ENPP2: variants seen among roughly 807,000 people sequenced by gnomAD.
ENPP2 encodes the protein autotaxin.
In ENPP2, 51 loss-of-function variants were observed where a neutral mutation model predicts 120.2. The ratio of observed to expected loss-of-function variants is 0.42; its 90% confidence interval spans 0.34 to 0.54. The LOEUF (loss-of-function observed/expected upper bound fraction) is 0.54, where lower values mean the gene tolerates loss of function less well. Among genes scored for constraint, ENPP2 ranks in the 20% least tolerant of loss-of-function variants. The pLI, the probability that ENPP2 is intolerant of heterozygous loss-of-function variation, is 0.04. For synonymous variants in ENPP2, 365 were observed against 366.4 expected, an observed-to-expected ratio of 1.00 and a Z score of 0.04; for missense variants, 920 against 1,066.5, an observed-to-expected ratio of 0.86 and a Z score of 1.91.
chr8:119,565,374 C>T (rs1814332136), intron 22 of ENPP2, among the ~76,000 whole-genome samples: 1 of 152,196 alleles, frequency 6.6e-6, no homozygotes. Flanking sequence ...CATCAATATG[C>T]TAGTTCCCAG....
upstream of ENPP2, among the ~76,000 whole-genome samples, chr8:119,639,096 T>C (rs1316478494): frequency 6.6e-6 from 1 of 152,144 alleles, no homozygotes; most frequent in Non-Finnish European, 1.5e-5. Flanking sequence ...TAACAGTGCA[T>C]GTTCATTTTC....
chr8:119,582,216 T>TA (rs1812797099), intron 18 of ENPP2, among the ~76,000 whole-genome samples: 1 of 152,246 alleles, frequency 6.6e-6, no homozygotes, highest in Non-Finnish European at 1.5e-5. Flanking sequence ...TGCTATTCAA[T>TA]ATGGTAGCCA....
In ENPP2 at chr8:119,557,423, C is replaced by G. The variant is rs1813551115; in HGVS notation, c.*98G>C. On this transcript the variant is annotated 3_prime_UTR_variant, in exon 25 of 25. Transcript: ENST00000075322. ...TCAGATTTGGTACAGGATTAAAATA[C>G]TAACATTTTTAATGTCCTGGTTTCA... 1 of 999,434 alleles carries G rather than the reference C, an allele frequency of 1.0e-6. No homozygotes were observed. 61.9% of individuals were successfully genotyped at this position (999,434 alleles called of 1,614,324 possible). A position where few individuals can be genotyped will look rare whatever the true frequency, so the allele number is the denominator to read the frequency against.
chr8:119,634,805 C>T (rs1018525827), intron 2 of ENPP2, among the ~76,000 whole-genome samples: 39 of 152,232 alleles, frequency 2.6e-4, no homozygotes, highest in African/African-American at 9.4e-4. Context: ...GGCTGAAGTT[C>T]ATGGAAGACT....
At chr8:119,671,474 T>C (rs1032044164) in intron 1 of ENPP2, among the ~76,000 whole-genome samples, 1 of 152,154 alleles carries the variant, frequency 6.6e-6, no homozygotes, top group Admixed American at 6.5e-5. Flanking sequence ...GGTATGTGTA[T>C]GAATTATACT....
chr8:119,668,931 C>T (rs998473114), intron 1 of ENPP2, among the ~76,000 whole-genome samples: 1 of 152,174 alleles, frequency 6.6e-6, no homozygotes, highest in Non-Finnish European at 1.5e-5. Context: ...CATACACATA[C>T]ACACATACCT....
intron 8 of ENPP2, among the ~76,000 whole-genome samples, chr8:119,612,678 T>C (rs1007858609): frequency 2.6e-5 from 4 of 152,130 alleles, no homozygotes; most frequent in African/African-American, 9.7e-5. Flanking sequence ...TTGCTTGAGC[T>C]CAGAAGTTGG....
intron 1 of ENPP2, among the ~76,000 whole-genome samples, chr8:119,668,115 C>G (rs1359818706): frequency 2.0e-5 from 3 of 152,144 alleles, no homozygotes; most frequent in African/African-American, 7.2e-5. Flanking sequence ...TCACGAGGAC[C>G]TAAGCTTCCC....
At chr8:119,639,754 T>A (rs1187471953), upstream of ENPP2, among the ~76,000 whole-genome samples, 2 of 152,164 alleles carry the variant, frequency 1.3e-5, no homozygotes, top group East Asian at 3.8e-4. Flanking sequence ...TATTTCTTGG[T>A]TAAATGTAGC....
At chr8:119,659,042 C>T (rs1248546743) in intron 1 of ENPP2, among the ~76,000 whole-genome samples, 2 of 152,064 alleles carry the variant, frequency 1.3e-5, no homozygotes, top group African/African-American at 2.4e-5. Flanking sequence ...TGGCTGGGCA[C>T]AGTGGCTCAC....
intron 1 of ENPP2, among the ~76,000 whole-genome samples, chr8:119,657,083 C>A (rs1169363880): frequency 6.6e-6 from 1 of 152,024 alleles, no homozygotes; most frequent in Non-Finnish European, 1.5e-5. Context: ...ACCCACCATG[C>A]CCGGCTAATT....
At position 119,590,598 on chromosome 8, in the gene ENPP2, A is replaced by G. The variant is rs1813425824; in HGVS notation, c.1114T>C (p.Phe372Leu). 6.3e-7 allele frequency: 1 copy of G among 1,588,526 alleles called. No homozygotes were observed. The highest frequency in any genetic ancestry group is 1.1e-5 in the South Asian group (1 of 87,014). Reference sequence around the variant, plus strand: ...ACATTAGTTAGGTAATTACTCAAGAACTCAGTTCTATCACATGTGACATCT... The same window carrying G: ...ACATTAGTTAGGTAATTACTCAAGAGCTCAGTTCTATCACATGTGACATCT... ...MEDVTCDRTE[F>L]LSNYLTNVDD... is the part of the protein sequence containing the mutation. The change falls in exon 13 of 25, where the codon TTC (phenylalanine) becomes CTC (leucine). Residue 372 changes from phenylalanine to leucine, a missense_variant. Physicochemically the swap from Phe to Leu is conservative, Grantham distance 22. Transcript: ENST00000075322.
intron 24 of ENPP2, among the ~76,000 whole-genome samples, chr8:119,559,526 C>T (rs1813746958): frequency 6.6e-6 from 1 of 152,190 alleles, no homozygotes; most frequent in African/African-American, 2.4e-5. Flanking sequence ...ACTCTGAAAT[C>T]TGTTCTATAA....
chr8:119,654,982 A>G (rs1038902578), intron 1 of ENPP2, among the ~76,000 whole-genome samples: 2 of 152,204 alleles, frequency 1.3e-5, no homozygotes, highest in African/African-American at 4.8e-5. Context: ...TGGATAAATC[A>G]AAAGGAAAGG....
chr8:119,639,252 A>G (rs1240162478), upstream of ENPP2, among the ~76,000 whole-genome samples: 1 of 152,090 alleles, frequency 6.6e-6, no homozygotes, highest in East Asian at 1.9e-4. Flanking sequence ...CAACCTCACC[A>G]CTTTATTTTT....
intron 3 of ENPP2, 42 bp from the exon 4 acceptor site, chr8:119,621,561 A>C (rs1815898196): frequency 1.6e-5 from 26 of 1,600,274 alleles, no homozygotes; most frequent in Non-Finnish European, 2.0e-5. Context: ...CTGCACACTA[A>C]CCAAATGAAA....
chr8:119,656,639 C>A (rs924378627), intron 1 of ENPP2, among the ~76,000 whole-genome samples: 7 of 152,122 alleles, frequency 4.6e-5, no homozygotes, highest in Non-Finnish European at 1.0e-4. Flanking sequence ...AGAGAGCTTA[C>A]ATTTTATTGG....
rs369476194 is a variant in ENPP2 at position 119,669,950 on chromosome 8, C to T, written c.21+3302G>A. Among the ~76,000 whole-genome samples, 18 of 152,282 alleles carry T rather than the reference C, an allele frequency of 1.2e-4. No individual in the cohort carries two copies. In the East Asian group the frequency reaches 3.5e-3, roughly 29 times the overall value. ...ATCCCAAATTCTCCATCACTTTCTA[C>T]AGAGTTTTTAGAGGGCTTGCTTGCC... is the stretch of plus-strand genomic sequence containing the variant. On this transcript the variant is annotated intron_variant, in intron 1 of 25. Transcript: ENST00000427067.
At chr8:119,648,247 G>A (rs1817529228) in intron 1 of ENPP2, among the ~76,000 whole-genome samples, 1 of 152,232 alleles carries the variant, frequency 6.6e-6, no homozygotes, top group Admixed American at 6.5e-5. Flanking sequence ...AGCAAGGTCT[G>A]TGTCATCTGC....
Sources: allele counts gnomAD v4.1 joint callset (sites outside exome capture counted in the v4.1 genomes callset), GRCh38; gene constraint gnomAD v4.1.1; transcripts MANE v1.5; gene names NCBI Gene and HGNC (gene_info 2026-07-23, HGNC 2026-07-21).